SGCZ: variants seen among roughly 807,000 people sequenced by gnomAD.
The protein encoded by SGCZ is sarcoglycan zeta.
SGCZ carries 40 observed loss-of-function variants against 41.3 expected under a neutral mutation model. The ratio of observed to expected loss-of-function variants is 0.97; its 90% CI spans 0.75 to 1.26. The LOEUF (loss-of-function observed/expected upper bound fraction) is 1.26, where lower values mean the gene tolerates loss of function less well. SGCZ is among the 50% of genes most tolerant of loss of function. The probability of loss-of-function intolerance (pLI) is 0.00; values close to 1 mark genes in which losing one functional copy is unlikely to be tolerated. For synonymous variants in SGCZ, 206 were observed against 137.5 expected (o/e 1.50, Z -3.49); for missense variants, 552 against 369.8 (o/e 1.49, Z -4.04).
At chr8:14,140,153 G>A (rs1200416572) in intron 5 of SGCZ, among the ~76,000 whole-genome samples, 2 of 152,162 alleles carry the variant, frequency 1.3e-5, no homozygotes, top group Admixed American at 6.5e-5. Context: ...AATAAACTAG[G>A]TATTGATGGA....
intron 1 of SGCZ, among the ~76,000 whole-genome samples, chr8:15,081,686 G>A (rs1334367857): frequency 1.3e-5 from 2 of 152,098 alleles, no homozygotes; most frequent in African/African-American, 4.8e-5. Context: ...TGATAATGAA[G>A]GGAATGTACA....
intron 2 of SGCZ, among the ~76,000 whole-genome samples, chr8:14,411,120 A>C (rs1203965200): frequency 1.3e-5 from 2 of 152,094 alleles, no homozygotes; most frequent in Non-Finnish European, 2.9e-5. Flanking sequence ...GGCGCCAACC[A>C]ATGCGTTTTG....
At chr8:14,969,918 A>G (rs979534543) in intron 1 of SGCZ, among the ~76,000 whole-genome samples, 1 of 152,072 alleles carries the variant, frequency 6.6e-6, no homozygotes, top group African/African-American at 2.4e-5. Context: ...CAATGTTTCA[A>G]CGTCAAGAAA....
In SGCZ at chr8:14,311,045, G is replaced by A. The variant is rs781313958; in HGVS notation, c.336+13058C>T. On this transcript the variant is annotated intron_variant, in intron 3 of 7. Coordinates refer to ENST00000382080, the MANE Select transcript of SGCZ (RefSeq NM_139167.4). ...ATGAAACCAAACTGACCTAGTCACA[G>A]CTTCCTGGACAAACGATGTCTTTTA... 3.3e-5 allele frequency among the ~76,000 whole-genome samples: 5 copies of A among 152,220 alleles called. No homozygotes were observed. In the East Asian group the frequency reaches 9.6e-4, roughly 29 times the overall value.
chr8:14,648,584 T>C (rs1807299407), intron 1 of SGCZ, among the ~76,000 whole-genome samples: 1 of 152,136 alleles, frequency 6.6e-6, no homozygotes, highest in Non-Finnish European at 1.5e-5. Context: ...TGGGAAATGT[T>C]TGTCAAAGAA....
intron 1 of SGCZ, among the ~76,000 whole-genome samples, chr8:14,592,707 A>T (rs1451209909): frequency 6.6e-6 from 1 of 152,174 alleles, no homozygotes; most frequent in Non-Finnish European, 1.5e-5. Context: ...TAGTGGAAAA[A>T]TTTCATTTTA....
At position 14,448,116 on chromosome 8, in the gene SGCZ, AG is replaced by A. The variant is rs140581234; in HGVS notation, c.234+106615del. Reference sequence around the variant, plus strand: ...ATAGTAGCAGTAACAATTAGGAGACAGGAGATGGAATGTAGATGCTAAGAAG... The same window carrying A: ...ATAGTAGCAGTAACAATTAGGAGACAGAGATGGAATGTAGATGCTAAGAAG... On this transcript the variant is annotated intron_variant, in intron 2 of 7. Transcript: ENST00000382080. 2.4e-3 allele frequency among the ~76,000 whole-genome samples: 364 copies of A among 152,320 alleles called. 2 individuals are homozygous for A. Among genetic ancestry groups the A allele is most frequent in the African/African-American group, 8.0e-3 (331 of 41,574 alleles).
chr8:14,142,615 C>G (rs1243993556), intron 5 of SGCZ, among the ~76,000 whole-genome samples: 1 of 152,028 alleles, frequency 6.6e-6, no homozygotes, highest in African/African-American at 2.4e-5. Context: ...GGGAGGGAGC[C>G]CTGGCATTTC....
chr8:14,243,294 C>A (rs1040482297), intron 3 of SGCZ, among the ~76,000 whole-genome samples: 2 of 152,166 alleles, frequency 1.3e-5, no homozygotes, highest in Admixed American at 1.3e-4. Context: ...AACAAATCTA[C>A]CTTATCCTCA....
intron 2 of SGCZ, among the ~76,000 whole-genome samples, chr8:14,543,362 T>C (rs753360141): frequency 6.6e-6 from 1 of 152,066 alleles, no homozygotes; most frequent in Non-Finnish European, 1.5e-5. Flanking sequence ...GTCTGGACAT[T>C]TCTAAGCATC....
intron 7 of SGCZ, among the ~76,000 whole-genome samples, chr8:14,092,216 T>C (rs1475345482): frequency 3.3e-5 from 5 of 152,144 alleles, no homozygotes; most frequent in African/African-American, 9.7e-5. Context: ...TTTTGGTTAC[T>C]GTAGCCTTGT....
At chr8:14,605,395 T>C (rs950844760) in intron 1 of SGCZ, among the ~76,000 whole-genome samples, 1 of 152,152 alleles carries the variant, frequency 6.6e-6, no homozygotes, top group Non-Finnish European at 1.5e-5. Context: ...CATTTATCCT[T>C]TGTGTTACCA....
At chr8:14,429,240 C>A (rs534836209) in intron 2 of SGCZ, among the ~76,000 whole-genome samples, 2 of 152,240 alleles carry the variant, frequency 1.3e-5, no homozygotes, top group Admixed American at 1.3e-4. Context: ...AGCATAGGTT[C>A]TGTTAAAAGG....
intron 1 of SGCZ, among the ~76,000 whole-genome samples, chr8:15,151,807 A>G (rs1339074335): frequency 1.3e-5 from 2 of 152,228 alleles, no homozygotes; most frequent in East Asian, 1.9e-4. Context: ...GAATTTTCCA[A>G]CAGTAACCCT....
In SGCZ at chr8:14,545,157, G is replaced by A. The variant is rs147685799; in HGVS notation, c.234+9575C>T. Among the ~76,000 whole-genome samples, 501 of 151,998 alleles carry A rather than the reference G, an allele frequency of 3.3e-3. 5 individuals carry two copies. The highest frequency in any genetic ancestry group is 0.012 in the African/African-American group (477 of 41,442). On this transcript the variant is annotated intron_variant, in intron 2 of 7. Transcript: ENST00000382080. ...AGAAAGAACCTACATTGAAATATTG[G>A]GGGCATGTCCCCCAATAAACACTGA...
intron 3 of SGCZ, among the ~76,000 whole-genome samples, chr8:14,293,539 G>C (rs1470046829): frequency 3.3e-5 from 5 of 151,906 alleles, no homozygotes; most frequent in Non-Finnish European, 7.4e-5. Context: ...TTGTCAGTTT[G>C]ATACATATGT....
At chr8:14,357,301 C>T (rs1334033973) in intron 2 of SGCZ, among the ~76,000 whole-genome samples, 1 of 152,098 alleles carries the variant, frequency 6.6e-6, no homozygotes, top group Non-Finnish European at 1.5e-5. Flanking sequence ...AGTAGCAAAG[C>T]ATACTTTGAT....
intron 2 of SGCZ, among the ~76,000 whole-genome samples, chr8:14,440,441 T>C (rs982962175): frequency 3.9e-5 from 6 of 152,112 alleles, no homozygotes; most frequent in African/African-American, 1.4e-4. Flanking sequence ...CCGCCTGGGT[T>C]TGTTGGCCAG....
At chr8:14,611,893 C>A (rs766210026) in intron 1 of SGCZ, among the ~76,000 whole-genome samples, 1 of 152,070 alleles carries the variant, frequency 6.6e-6, no homozygotes, top group Admixed American at 6.6e-5. Context: ...TGAGCCATTG[C>A]AGTACATATG....
Sources: allele counts gnomAD v4.1 joint callset (sites outside exome capture counted in the v4.1 genomes callset), GRCh38; gene constraint gnomAD v4.1.1; transcripts MANE v1.5; gene names NCBI Gene and HGNC (gene_info 2026-07-23, HGNC 2026-07-21).